CDON: variants seen among roughly 807,000 people sequenced by gnomAD.
CDON encodes the protein cell adhesion associated, oncogene regulated, also known as cell adhesion molecule-related/down-regulated by oncogenes.
CDON carries 73 observed loss-of-function variants against 120.9 expected under a neutral mutation model. The ratio of observed to expected loss-of-function variants is 0.60; its 90% CI spans 0.50 to 0.73. The LOEUF (loss-of-function observed/expected upper bound fraction) is 0.73, where lower values mean the gene tolerates loss of function less well. Ranked by LOEUF, CDON falls within the 30% of genes least tolerant of loss-of-function variation. The pLI, the probability that CDON is intolerant of heterozygous loss-of-function variation, is 0.00. For missense variants in CDON, 1,470 were observed against 1,587.3 expected (o/e 0.93, Z 1.26); for synonymous variants, 566 against 573.5 (o/e 0.99, Z 0.19).
chr11:126,028,169 GT>G lies in CDON; in HGVS notation c.-61-4633del, dbSNP rs1313201266. ...AAAAAGTACACATTCAATACAGAAT[GT>G]GCAGAAAATACATAAACGTATAAAA... On this transcript the variant is annotated intron_variant, in intron 1 of 19. Transcript: ENST00000531738. Among the ~76,000 whole-genome samples the G allele has an allele frequency of 1.4e-4, 21 of 152,150 alleles. No homozygotes were observed. In the East Asian group the frequency reaches 3.9e-3, roughly 28 times the overall value.
At chr11:126,038,385 C>T (rs911761586) in intron 1 of CDON, among the ~76,000 whole-genome samples, 2 of 152,158 alleles carry the variant, frequency 1.3e-5, no homozygotes, top group African/African-American at 2.4e-5. Flanking sequence ...GACATGGTGG[C>T]TCACGCCTGC....
At chr11:126,018,563 C>T in intron 4 of CDON, 90 bp from the exon 5 acceptor site, 4 of 1,103,900 alleles carry the variant, frequency 3.6e-6, no homozygotes, top group Non-Finnish European at 5.5e-6. Flanking sequence ...TCATTATGCT[C>T]TATTCCATCT....
At chr11:125,999,915 C>G (rs909716151) in intron 11 of CDON, among the ~76,000 whole-genome samples, 1 of 152,234 alleles carries the variant, frequency 6.6e-6, no homozygotes, top group African/African-American at 2.4e-5. Context: ...CTCTCAATCT[C>G]TAAACATAAT....
intron 15 of CDON, among the ~76,000 whole-genome samples, chr11:125,985,046 C>T (rs563889219): frequency 6.6e-6 from 1 of 152,294 alleles, no homozygotes; most frequent in South Asian, 2.1e-4. Context: ...TCTTAAGTCT[C>T]TAAATGTCAC....
At position 126,021,396 on chromosome 11, in the gene CDON, T is replaced by C. The variant is rs1165008830; in HGVS notation, c.201A>G (p.Thr67=). 1.1e-5 allele frequency: 18 copies of C among 1,614,010 alleles called. No homozygotes were observed. The East Asian group carries it at 4.0e-4, about 36-fold the overall frequency. ...TAACATGTTCCAGGTTTCCATCCAA[T>C]GTTTTTCCGTTATGCAGCCATGAGA... ...TRISWLHNGK[T]LDGNLEHVKI... The change falls in exon 3 of 20, where the codon ACA becomes ACG. Residue 67 remains threonine, a synonymous_variant. Coordinates refer to ENST00000531738, the MANE Select transcript of CDON (RefSeq NM_001378964.1).
Position 125,989,774 on chromosome 11 carries a change from A to G in CDON, c.2651-15T>C. On this transcript the variant is annotated splice_polypyrimidine_tract_variant and intron_variant, in intron 14 of 19. Coordinates refer to ENST00000531738, the MANE Select transcript of CDON (RefSeq NM_001378964.1). Reference sequence around the variant, plus strand: ...CTGCTTTGAACCTAAAAGGAAAAATAAAAGGCTTTACACATCATACAGCCT... The same window carrying G: ...CTGCTTTGAACCTAAAAGGAAAAATGAAAGGCTTTACACATCATACAGCCT... The G allele has an allele frequency of 6.2e-7, 1 of 1,609,654 alleles. No homozygotes were observed. Among genetic ancestry groups the G allele is most frequent in the Non-Finnish European group, 8.5e-7 (1 of 1,177,256 alleles).
At chr11:126,021,197 A>G in intron 3 of CDON, 51 bp downstream of exon 3, 1 of 1,573,818 alleles carries the variant, frequency 6.4e-7, no homozygotes, top group Non-Finnish European at 8.6e-7. Flanking sequence ...TATAAGCACT[A>G]ACAGTAATTT....
At position 125,997,482 on chromosome 11, in the gene CDON, A is replaced by C. The variant is rs569318054; in HGVS notation, c.2159-72T>G. On this transcript the variant is annotated intron_variant, in intron 11 of 19. Coordinates refer to ENST00000531738, the MANE Select transcript of CDON (RefSeq NM_001378964.1). ...AGAATAACATAGTTAAATTAAAGGG[A>C]TAAGTCCCAAACTTCATGTTATTAA... 1.8e-4 allele frequency: 206 copies of C among 1,154,140 alleles called. 1 individual carries two copies. In the African/African-American group the frequency reaches 2.5e-3, roughly 14 times the overall value. The allele number at this position is 1,154,140 out of a possible 1,614,324, so 71.5% of individuals were successfully genotyped here.
intron 18 of CDON, among the ~76,000 whole-genome samples, chr11:125,975,756 G>A (rs1011008957): frequency 5.9e-5 from 9 of 152,164 alleles, no homozygotes; most frequent in African/African-American, 2.2e-4. Context: ...AGTGATGCAC[G>A]CTAAAGTTTG....
At chr11:125,982,209 C>T (rs1174206685) in intron 16 of CDON, among the ~76,000 whole-genome samples, 2 of 151,954 alleles carry the variant, frequency 1.3e-5, no homozygotes, top group South Asian at 2.1e-4. Context: ...CTCCTGACCT[C>T]GTGATCCGCC....
chr11:125,997,562 G>A, intron 11 of CDON, 152 bp from the exon 12 acceptor site: 1 of 678,914 alleles, frequency 1.5e-6, no homozygotes, highest in Non-Finnish European at 2.7e-6. Flanking sequence ...CAGTCTTCCT[G>A]TCCTCTGTGA....
chr11:126,010,718 T>G, intron 7 of CDON, 24 bp from the exon 8 acceptor site: 1 of 1,587,194 alleles, frequency 6.3e-7, no homozygotes. Context: ...AATTCACATA[T>G]GAAAAATGAA....
intron 1 of CDON, among the ~76,000 whole-genome samples, chr11:126,044,175 C>T (rs1048818202): frequency 2.6e-5 from 4 of 152,218 alleles, no homozygotes; most frequent in African/African-American, 4.8e-5. Flanking sequence ...AACACACATA[C>T]TGCACAGATC....
chr11:125,993,606 G>A (rs1307465252), intron 14 of CDON, among the ~76,000 whole-genome samples: 1 of 152,114 alleles, frequency 6.6e-6, no homozygotes, highest in African/African-American at 2.4e-5. Flanking sequence ...ATTTTTCTGT[G>A]CACACAACTA....
In CDON at chr11:126,034,194, C is replaced by A. The variant is rs538350854; in HGVS notation, c.-61-10657G>T. On this transcript the variant is annotated intron_variant, in intron 1 of 19. Coordinates refer to ENST00000531738, the MANE Select transcript of CDON (RefSeq NM_001378964.1). This position sits in a 1 kb window ranked among gnomAD's most constrained non-coding sequence, Gnocchi z 4.5. ...TCCCCCACTTCTCCCAAGTCTCAGT[C>A]GAGTCAGCCAAGCATACAAACGATC... 6.6e-5 allele frequency among the ~76,000 whole-genome samples: 10 copies of A among 152,230 alleles called. No individual in the cohort carries two copies. The highest frequency in any genetic ancestry group is 2.4e-4 in the African/African-American group (10 of 41,540).
At position 125,960,962 on chromosome 11, in the gene CDON, G is replaced by A; in HGVS notation, c.3775C>T (p.Gln1259Ter). 6.2e-7 allele frequency: 1 copy of A among 1,614,228 alleles called. No individual in the cohort carries two copies. Among genetic ancestry groups the A allele is most frequent in the African/African-American group, 1.3e-5 (1 of 75,062 alleles). ...TGTCCTCAGGTTTCCCGGGGCTGCT[G>A]AAGGACCTCTGTCGGGCTGTCTAAA... ...IPLDSPTEVL[Q>*]QPRET The change falls in exon 20 of 20, where the codon CAG (glutamine) becomes TAG (stop). Residue 1259 changes from glutamine (Q) to a stop codon, truncating the protein, a stop_gained. Transcript: ENST00000531738. LOFTEE classifies it high-confidence loss of function.
intron 1 of CDON, among the ~76,000 whole-genome samples, chr11:126,029,563 T>C (rs554957558): frequency 1.3e-5 from 2 of 152,230 alleles, no homozygotes; most frequent in South Asian, 4.2e-4. Context: ...AACATATATA[T>C]ATATATATGT....
chr11:126,041,187 C>CT (rs1437116850), intron 1 of CDON, among the ~76,000 whole-genome samples: 14 of 112,186 alleles, frequency 1.2e-4, no homozygotes, highest in South Asian at 9.1e-4. Flanking sequence ...GTGAGACTGT[C>CT]TAAAAAAAAA....
Position 126,010,397 on chromosome 11 carries a change from A to G in CDON, c.1496T>C (p.Ile499Thr). Residue 499 changes from isoleucine (I) to threonine (T), a missense_variant, in exon 8 of 20, where the codon ATC (isoleucine) becomes ACC (threonine). By Grantham distance (89) the Ile-to-Thr change is moderately conservative. Transcript: ENST00000531738. Reference protein sequence around the residue: ...AVTQEHAGKYICEAANEHGTT... With the variant: ...AVTQEHAGKYTCEAANEHGTT... Reference sequence around the variant, plus strand: ...ACCATGTTCATTTGCAGCTTCGCAGATGTATTTCCCCGCATGTTCCTGAGT... The same window carrying G: ...ACCATGTTCATTTGCAGCTTCGCAGGTGTATTTCCCCGCATGTTCCTGAGT... 1 of 1,614,074 alleles carries G rather than the reference A, an allele frequency of 6.2e-7. No homozygotes were observed.
Sources: gnomAD v4.1 joint callset for allele counts (sites outside exome capture counted in the v4.1 genomes callset) on GRCh38, gnomAD v4.1.1 for gene constraint, Gnocchi (gnomAD v3.1) non-coding constraint, MANE v1.5 for transcripts, NCBI Gene and HGNC (gene_info 2026-07-23, HGNC 2026-07-21) for gene names.